Variants in LAMA1 observed in about 807,000 individuals in gnomAD.
LAMA1 encodes the protein laminin subunit alpha 1, also known as laminin subunit alpha-1.
In LAMA1, 219 loss-of-function variants were observed where a neutral mutation model predicts 348.7. The ratio of observed to expected loss-of-function variants is 0.63; its 90% CI spans 0.56 to 0.70. The LOEUF (loss-of-function observed/expected upper bound fraction) is 0.70, where lower values mean the gene tolerates loss of function less well. Among genes scored for constraint, LAMA1 ranks in the 30% least tolerant of loss-of-function variants. The probability of loss-of-function intolerance (pLI) is 0.00; values close to 1 mark genes in which losing one functional copy is unlikely to be tolerated. For missense variants in LAMA1, 3,744 were observed against 3,888.0 expected (o/e 0.96, Z 0.99); for synonymous variants, 1,487 against 1,491.0 (o/e 1.00, Z 0.06).
chr18:7,027,374 A>G (rs1036274817), intron 16 of LAMA1, among the ~76,000 whole-genome samples: 1 of 152,200 alleles, frequency 6.6e-6, no homozygotes, highest in Non-Finnish European at 1.5e-5. Flanking sequence ...TGATATTAAT[A>G]AGGCAAATGG....
chr18:6,956,633 T>A lies in LAMA1; in HGVS notation c.8094+3A>T. On this transcript the variant is annotated splice_donor_region_variant and intron_variant, in intron 56 of 62. Transcript: ENST00000389658. Reference sequence around the variant, plus strand: ...GACTGATAGTAAAGGAAGCCGCTCCTACTGGAAAAGCCCGGGGCTCTGGCA... The same window carrying A: ...GACTGATAGTAAAGGAAGCCGCTCCAACTGGAAAAGCCCGGGGCTCTGGCA... 1 of 1,614,098 alleles carries A rather than the reference T, an allele frequency of 6.2e-7. No homozygotes were observed. Among genetic ancestry groups the A allele is most frequent in the Non-Finnish European group, 8.5e-7 (1 of 1,180,024 alleles).
chr18:7,000,261 C>T (rs576053256), intron 30 of LAMA1, among the ~76,000 whole-genome samples: 8 of 152,276 alleles, frequency 5.3e-5, no homozygotes, highest in African/African-American at 1.4e-4. Context: ...GAAGACTGAC[C>T]TTAGGGATTA....
chr18:7,039,984 C>G, intron 10 of LAMA1, 92 bp downstream of exon 10: 1 of 1,465,190 alleles, frequency 6.8e-7, no homozygotes, highest in Non-Finnish European at 9.5e-7. Flanking sequence ...TACCACTTTG[C>G]TCAAGAACTG....
chr18:7,034,204 A>G (rs1417631066), intron 14 of LAMA1, among the ~76,000 whole-genome samples: 1 of 152,230 alleles, frequency 6.6e-6, no homozygotes, highest in Non-Finnish European at 1.5e-5. Flanking sequence ...GACAATCGCT[A>G]ACTCATCGTG....
rs201665173 is a variant in LAMA1, at chr18:7,050,879, A to G, written c.403T>C (p.Trp135Arg). The change falls in exon 4 of 63, where the codon TGG (tryptophan) becomes CGG (arginine). Residue 135 changes from tryptophan (W) to arginine (R), a missense_variant. Trp to Arg is a moderately radical substitution (Grantham distance 101). Coordinates refer to ENST00000389658, the MANE Select transcript of LAMA1 (RefSeq NM_005559.4). ...KAANAPRPGN[W>R]ILERSLDGTT... ...CCATCCAGAGAACGCTCCAAAATCC[A>G]GTTTCCAGGTCGAGGGGCATTGGCA... 63 of 1,614,184 alleles carry G rather than the reference A, an allele frequency of 3.9e-5. No homozygotes were observed. The highest frequency in any genetic ancestry group is 4.2e-6 in the Non-Finnish European group (5 of 1,180,048).
intron 56 of LAMA1, chr18:6,956,371 C>T (rs1442179177): frequency 3.3e-6 from 2 of 612,442 alleles, no homozygotes; most frequent in Admixed American, 2.2e-5. Flanking sequence ...CTTATAGAAG[C>T]TCTGCCAAAA....
At chr18:6,948,614 C>T (rs771236990) in intron 59 of LAMA1, 58 bp from the exon 60 acceptor site, 138 of 1,590,858 alleles carry the variant, frequency 8.7e-5, no homozygotes, top group Non-Finnish European at 1.1e-4. Flanking sequence ...AGGGTTTGGA[C>T]ACATTTTCCT....
At chr18:7,019,674 CTTT>C (rs35235323) in intron 19 of LAMA1, among the ~76,000 whole-genome samples, 22,548 of 94,248 alleles carry the variant, frequency 0.24, 905 homozygotes, top group Middle Eastern at 0.34. Context: ...TATGGTAATT[CTTT>C]TTTTTTTTTT....
intron 36 of LAMA1, among the ~76,000 whole-genome samples, chr18:6,991,373 A>C (rs1475089513): frequency 6.7e-6 from 1 of 150,342 alleles, no homozygotes; most frequent in Non-Finnish European, 1.5e-5. Context: ...TTGACTAAAT[A>C]ATTCCACTTC....
chr18:6,999,358 A>G, intron 32 of LAMA1, 87 bp downstream of exon 32: 1 of 1,288,104 alleles, frequency 7.8e-7, no homozygotes, highest in South Asian at 1.2e-5. Context: ...TTTATTCTGC[A>G]GACACTTTAG....
At chr18:6,992,864 T>G (rs922105079) in intron 35 of LAMA1, 144 bp from the exon 36 acceptor site, 1 of 662,346 alleles carries the variant, frequency 1.5e-6, no homozygotes, top group African/African-American at 1.8e-5. Flanking sequence ...CCACCTGGCA[T>G]ATCCCAGTGT....
chr18:6,951,005 A>G (rs775289966), intron 57 of LAMA1, 34 bp from the exon 58 acceptor site: 2 of 1,591,576 alleles, frequency 1.3e-6, no homozygotes, highest in African/African-American at 2.7e-5. Flanking sequence ...TTGAGAAAGG[A>G]AACTTTTACT....
In LAMA1 at chr18:7,001,670, C is replaced by T. The variant is rs576319885; in HGVS notation, c.4382+594G>A. On this transcript the variant is annotated intron_variant, in intron 30 of 62. Coordinates refer to ENST00000389658, the MANE Select transcript of LAMA1 (RefSeq NM_005559.4). ...TCAATACCTTGCCAAATATTCTAAG[C>T]AATAATAAAATATTATTGATGAGTT... Among the ~76,000 whole-genome samples, 9 of 152,196 alleles carry T rather than the reference C, an allele frequency of 5.9e-5. No individual in the cohort carries two copies. The South Asian group carries it at 1.7e-3, about 28-fold the overall frequency.
intron 1 of LAMA1, among the ~76,000 whole-genome samples, chr18:7,109,175 G>T (rs949283884): frequency 1.3e-5 from 2 of 152,218 alleles, no homozygotes; most frequent in African/African-American, 4.8e-5. Flanking sequence ...ACCCAGAGAG[G>T]TGCCAGGGCT....
intron 26 of LAMA1, 92 bp downstream of exon 26, chr18:7,010,108 C>T: frequency 6.8e-7 from 1 of 1,460,662 alleles, no homozygotes; most frequent in Middle Eastern, 2.1e-4. Context: ...TACCTGGCTG[C>T]TCATTCTCTT....
At chr18:7,014,849 C>G (rs2057878939) in intron 22 of LAMA1, among the ~76,000 whole-genome samples, 1 of 151,214 alleles carries the variant, frequency 6.6e-6, no homozygotes, top group African/African-American at 2.5e-5. Flanking sequence ...ATTTTCTTTT[C>G]TTTTCTTTTT....
intron 19 of LAMA1, among the ~76,000 whole-genome samples, chr18:7,020,086 T>C (rs2057908566): frequency 6.6e-6 from 1 of 152,206 alleles, no homozygotes; most frequent in African/African-American, 2.4e-5. Flanking sequence ...ACTTTATATA[T>C]ATTTTAATTC....
At chr18:7,110,547 C>T (rs2058331611) in intron 1 of LAMA1, among the ~76,000 whole-genome samples, 1 of 152,126 alleles carries the variant, frequency 6.6e-6, no homozygotes, top group Non-Finnish European at 1.5e-5. Context: ...GTAGGCTGGA[C>T]ATGGTGGCTC....
intron 1 of LAMA1, among the ~76,000 whole-genome samples, chr18:7,112,011 T>C (rs2058337746): frequency 6.6e-6 from 1 of 152,238 alleles, no homozygotes; most frequent in Admixed American, 6.5e-5. Context: ...CCTTAACGTG[T>C]AATAGAATTG....
Sources: allele counts gnomAD v4.1 joint callset (sites outside exome capture counted in the v4.1 genomes callset), GRCh38; gene constraint gnomAD v4.1.1; transcripts MANE v1.5; gene names NCBI Gene and HGNC (gene_info 2026-07-23, HGNC 2026-07-21).